Variants in CDC73 observed in about 807,000 individuals in gnomAD.
CDC73 encodes parafibromin.
A neutral mutation model predicts 83.7 loss-of-function variants in CDC73; 21 were observed. The observed-to-expected ratio is 0.25, with a 90% CI of 0.18 to 0.36. The LOEUF is 0.36. Ranked by LOEUF, CDC73 falls within the 10% of genes least tolerant of loss-of-function variation. The pLI, the probability that CDC73 is intolerant of heterozygous loss-of-function variation, is 1.00. For synonymous variants in CDC73, 224 were observed against 212.9 expected, an observed-to-expected ratio of 1.05 and a Z score of -0.45; for missense variants, 342 against 653.3, an observed-to-expected ratio of 0.52 and a Z score of 5.19.
At chr1:193,225,266 A>C (rs1221674177) in intron 13 of CDC73, among the ~76,000 whole-genome samples, 1 of 150,464 alleles carries the variant, frequency 6.6e-6, no homozygotes, top group East Asian at 1.9e-4. Flanking sequence ...ATATATATAT[A>C]TATATATCCA....
chr1:193,218,925 A>C (rs1185956074), intron 13 of CDC73, among the ~76,000 whole-genome samples: 2 of 152,192 alleles, frequency 1.3e-5, no homozygotes, highest in Non-Finnish European at 2.9e-5. Context: ...CTAAACCAAA[A>C]AGCTTCTGCC....
At chr1:193,148,589 T>C (rs1292663883) in intron 8 of CDC73, among the ~76,000 whole-genome samples, 1 of 151,922 alleles carries the variant, frequency 6.6e-6, no homozygotes, top group African/African-American at 2.4e-5. Flanking sequence ...TGAAATTGTT[T>C]CTATTTTCTG....
chr1:193,137,615 C>A (rs1391415920), intron 5 of CDC73, among the ~76,000 whole-genome samples: 6 of 152,032 alleles, frequency 3.9e-5, no homozygotes, highest in Admixed American at 3.9e-4. Context: ...TTCTAATGAC[C>A]ATCCTTTGAA....
chr1:193,172,935 T>C (rs1160515884), intron 10 of CDC73, among the ~76,000 whole-genome samples: 2 of 152,198 alleles, frequency 1.3e-5, no homozygotes, highest in Non-Finnish European at 2.9e-5. Flanking sequence ...TTGAAATGAG[T>C]GCATGAGTGC....
chr1:193,136,429 T>C (rs1312323075), intron 5 of CDC73: 3 of 237,810 alleles, frequency 1.3e-5, no homozygotes, highest in Non-Finnish European at 2.9e-5. Context: ...ATAATGATGA[T>C]AATTGATTCA....
At chr1:193,203,226 A>T (rs1234870205) in intron 10 of CDC73, among the ~76,000 whole-genome samples, 2 of 152,024 alleles carry the variant, frequency 1.3e-5, no homozygotes, top group African/African-American at 4.8e-5. Context: ...AATTATTGAG[A>T]TTTGTTGTTT....
At chr1:193,230,143 C>CTTT (rs944930837) in intron 13 of CDC73, among the ~76,000 whole-genome samples, 4 of 135,088 alleles carry the variant, frequency 3.0e-5, no homozygotes, top group Admixed American at 7.4e-5. Context: ...CATTCCCATT[C>CTTT]TTTTTTTTTT....
chr1:193,207,751 AACACACATGTTTT>A (rs1677213097), intron 11 of CDC73, among the ~76,000 whole-genome samples: 1 of 152,220 alleles, frequency 6.6e-6, no homozygotes, highest in East Asian at 1.9e-4. Context: ...ATATTGTTCA[AACACACATGTTTT>A]ACAATCAATT....
At chr1:193,204,978 A>T (rs1471787156) in intron 11 of CDC73, among the ~76,000 whole-genome samples, 1 of 151,428 alleles carries the variant, frequency 6.6e-6, no homozygotes, top group Middle Eastern at 3.4e-3. Flanking sequence ...ATTCTGTATC[A>T]TTTTTTTTTA....
At chr1:193,197,471 A>G (rs961953503) in intron 10 of CDC73, among the ~76,000 whole-genome samples, 11 of 152,238 alleles carry the variant, frequency 7.2e-5, no homozygotes, top group Non-Finnish European at 1.2e-4. Context: ...ATTGCAAGTA[A>G]CTAAATACAT....
chr1:193,195,706 TG>T (rs958055547), intron 10 of CDC73, among the ~76,000 whole-genome samples: 1 of 152,204 alleles, frequency 6.6e-6, no homozygotes, highest in Non-Finnish European at 1.5e-5. Flanking sequence ...ACCATTCAAA[TG>T]TATTTGAAGT....
chr1:193,229,349 A>G (rs1283409919), intron 13 of CDC73, among the ~76,000 whole-genome samples: 5 of 152,238 alleles, frequency 3.3e-5, no homozygotes, highest in Admixed American at 2.0e-4. Flanking sequence ...CACAAAATTT[A>G]TATGTTGAAA....
intron 3 of CDC73, among the ~76,000 whole-genome samples, chr1:193,133,473 A>G (rs1675731259): frequency 6.6e-6 from 1 of 152,234 alleles, no homozygotes. Context: ...AAGAGCATTG[A>G]GAAAAGGCTA....
At chr1:193,143,620 A>T (rs1675944444) in intron 7 of CDC73, among the ~76,000 whole-genome samples, 1 of 152,224 alleles carries the variant, frequency 6.6e-6, no homozygotes, top group African/African-American at 2.4e-5. Flanking sequence ...TATTAGTATT[A>T]AAAAATAAAA....
intron 10 of CDC73, chr1:193,179,683 A>G (rs1322316848): frequency 6.6e-6 from 1 of 152,550 alleles, no homozygotes; most frequent in Non-Finnish European, 1.5e-5. Context: ...AAAAGAAAGT[A>G]TTAATAAAAG....
At chr1:193,150,056 T>C (rs577345820) in intron 8 of CDC73, among the ~76,000 whole-genome samples, 57 of 152,160 alleles carry the variant, frequency 3.7e-4, no homozygotes, top group African/African-American at 1.3e-3. Context: ...GTCGATCACC[T>C]GAGGCTGGGA....
chr1:193,150,176 T>G (rs1572160176), intron 8 of CDC73, 128 bp from the exon 9 acceptor site: 2 of 690,294 alleles, frequency 2.9e-6, no homozygotes. Flanking sequence ...AAGGCTGAGG[T>G]GGGAGGATCA....
In CDC73 at chr1:193,230,161, T is replaced by C. The variant is rs535286810; in HGVS notation, c.1155-2832T>C. Among the ~76,000 whole-genome samples the C allele has an allele frequency of 1.1e-3, 161 of 151,000 alleles. 1 individual carries two copies. Among genetic ancestry groups the C allele is most frequent in the African/African-American group, 3.5e-3 (145 of 41,126 alleles). Reference sequence around the variant, plus strand: ...TCCCATTCTTTTTTTTTTTTTTTTTTCTCCTGAGGCAGAGTCTCACTCTGT... The same window carrying C: ...TCCCATTCTTTTTTTTTTTTTTTTTCCTCCTGAGGCAGAGTCTCACTCTGT... On this transcript the variant is annotated intron_variant, in intron 13 of 16. Transcript: ENST00000367435.
rs1304488372 is a variant in CDC73, at chr1:193,253,737, G to T, written c.*3025G>T. The stretch of plus-strand genomic sequence containing the variant: ...GTATTAATTTTTGATCTGCCATGTA[G>T]AATGAGACAAATACAGTTTGCTTAT... On this transcript the variant is annotated 3_prime_UTR_variant, in exon 17 of 17. Transcript: ENST00000367435. 4.3e-6 allele frequency: 1 copy of T among 231,108 alleles called. No individual in the cohort carries two copies. The highest frequency in any genetic ancestry group is 6.2e-5 in the East Asian group (1 of 16,248). The allele number at this position is 231,108 out of a possible 1,614,324, so 14.3% of individuals were successfully genotyped here.
Sources: allele counts gnomAD v4.1 joint callset (sites outside exome capture counted in the v4.1 genomes callset), GRCh38; gene constraint gnomAD v4.1.1; transcripts MANE v1.5; gene names NCBI Gene and HGNC (gene_info 2026-07-23, HGNC 2026-07-21).